The following ANKS1A variants were observed in gnomAD, a reference collection of about 807,000 sequenced individuals.
ANKS1A encodes ankyrin repeat and sterile alpha motif domain containing 1A.
ANKS1A carries 55 observed loss-of-function variants against 120.3 expected under a neutral mutation model. That is an observed-to-expected ratio of 0.46 (90% CI 0.37 to 0.57). The LOEUF (loss-of-function observed/expected upper bound fraction) is 0.57. Among genes scored for constraint, ANKS1A ranks in the 20% least tolerant of loss-of-function variants. The pLI is 0.00. For missense variants in ANKS1A, 1,123 were observed against 1,480.3 expected, an observed-to-expected ratio of 0.76 and a Z score of 3.96; for synonymous variants, 590 against 604.7, an observed-to-expected ratio of 0.98 and a Z score of 0.36.
chr6:35,094,934 G>A (rs1265331458), downstream of ANKS1A, among the ~76,000 whole-genome samples: 1 of 152,056 alleles, frequency 6.6e-6, no homozygotes, highest in Non-Finnish European at 1.5e-5. Flanking sequence ...GAGTCCAGGA[G>A]CTCAAGACCA....
intron 3 of ANKS1A, among the ~76,000 whole-genome samples, chr6:34,977,249 G>T (rs538774682): frequency 2.0e-5 from 3 of 152,124 alleles, no homozygotes; most frequent in African/African-American, 7.2e-5. Context: ...TGGCAGGAGC[G>T]CCATGGAAGT....
In ANKS1A at chr6:35,082,206, C is replaced by T. The variant is rs947460547; in HGVS notation, c.2710-485C>T. Among the ~76,000 whole-genome samples, 1 of 151,968 alleles carries T rather than the reference C, an allele frequency of 6.6e-6. No homozygotes were observed. Among genetic ancestry groups the T allele is most frequent in the African/African-American group, 2.4e-5 (1 of 41,374 alleles). ...GCCTCCCCCACCCCCTAGCTGCTGC[C>T]AGAAGGATCCATTTGGAATGCATTC... On this transcript the variant is annotated intron_variant, in intron 17 of 23. Transcript: ENST00000360359. This position sits in a 1 kb window ranked among gnomAD's most constrained non-coding sequence, Gnocchi z 4.1.
Position 35,081,020 on chromosome 6 carries a change from A to G in ANKS1A, c.2571A>G (p.Ser857=). ...GCCAAGATTTGCTCTCCCAGACGTCATCCCCACTGAGTCAGAATGATTCCT... is the reference window on the plus strand; with the variant it reads ...GCCAAGATTTGCTCTCCCAGACGTCGTCCCCACTGAGTCAGAATGATTCCT... ...LRCQDLLSQT[S]SPLSQNDSCT... The change falls in exon 17 of 24, where the codon TCA becomes TCG. Residue 857 remains serine, a synonymous_variant. Coordinates refer to ENST00000360359, the MANE Select transcript of ANKS1A (RefSeq NM_015245.3). The G allele has an allele frequency of 6.2e-7, 1 of 1,613,916 alleles. No homozygotes were observed. The highest frequency in any genetic ancestry group is 8.5e-7 in the Non-Finnish European group (1 of 1,179,852).
At position 35,082,393 on chromosome 6, in the gene ANKS1A, A is replaced by C. The variant is rs537821601; in HGVS notation, c.2710-298A>C. ...CTGTGCCCCCCACACAGACTCTGCC[A>C]TCTCCTCTCTGGTCATTTCCCATCT... On this transcript the variant is annotated intron_variant, in intron 17 of 23. Coordinates refer to ENST00000360359, the MANE Select transcript of ANKS1A (RefSeq NM_015245.3). This position sits in a 1 kb window ranked among gnomAD's most constrained non-coding sequence, Gnocchi z 4.1. 6.6e-6 allele frequency among the ~76,000 whole-genome samples: 1 copy of C among 151,230 alleles called. No homozygotes were observed. Among genetic ancestry groups the C allele is most frequent in the East Asian group, 2.0e-4 (1 of 5,100 alleles).
chr6:34,917,429 A>T (rs1210364005), intron 1 of ANKS1A, among the ~76,000 whole-genome samples: 3 of 152,184 alleles, frequency 2.0e-5, no homozygotes, highest in Non-Finnish European at 4.4e-5. Context: ...AAGTCAAACC[A>T]AGCTCCGCTG....
At chr6:35,080,080 A>G in intron 16 of ANKS1A, 152 bp downstream of exon 16, 2 of 868,116 alleles carry the variant, frequency 2.3e-6, no homozygotes, top group Non-Finnish European at 3.5e-6. Context: ...AGGTTTAGAG[A>G]AGTTCCCCGC....
chr6:34,916,967 GGTC>G (rs997384185), intron 1 of ANKS1A, among the ~76,000 whole-genome samples: 3 of 152,134 alleles, frequency 2.0e-5, no homozygotes, highest in Non-Finnish European at 4.4e-5. Context: ...TCTACCCTAT[GGTC>G]GTCCTACCTT....
In ANKS1A at chr6:34,967,219, C is replaced by T. The variant is rs1770936527; in HGVS notation, c.198-20C>T. The T allele has an allele frequency of 4.3e-6, 6 of 1,408,046 alleles. No homozygotes were observed. The highest frequency in any genetic ancestry group is 1.4e-5 in the African/African-American group (1 of 69,364). The allele number at this position is 1,408,046 out of a possible 1,614,324, so 87.2% of individuals were successfully genotyped here. A position where few individuals can be genotyped will look rare whatever the true frequency, so the allele number is the denominator to read the frequency against. Reference sequence around the variant, plus strand: ...CGGTCTGTGAAATCTATGTCTCTCTCTTTTTTTTTTCCCTGATAGCATGTG... The same window carrying T: ...CGGTCTGTGAAATCTATGTCTCTCTTTTTTTTTTTTCCCTGATAGCATGTG... On this transcript the variant is annotated intron_variant, in intron 1 of 23. Coordinates refer to ENST00000360359, the MANE Select transcript of ANKS1A (RefSeq NM_015245.3).
At chr6:34,962,714 G>A (rs1045577472) in intron 1 of ANKS1A, among the ~76,000 whole-genome samples, 10 of 150,998 alleles carry the variant, frequency 6.6e-5, no homozygotes, top group African/African-American at 1.7e-4. Flanking sequence ...GCTTGAACCC[G>A]GGAGGCAGAG....
chr6:35,096,038 G>A (rs920373829), downstream of ANKS1A, among the ~76,000 whole-genome samples: 14 of 152,146 alleles, frequency 9.2e-5, no homozygotes, highest in African/African-American at 3.1e-4. Context: ...CACTCCATTT[G>A]TTATTGAGAT....
downstream of ANKS1A, among the ~76,000 whole-genome samples, chr6:35,093,651 T>C (rs555834325): frequency 7.2e-5 from 11 of 152,242 alleles, no homozygotes; most frequent in South Asian, 1.7e-3. Context: ...GGAAGATCAG[T>C]AGATGCTCTT....
chr6:34,941,564 G>A (rs2127483722), intron 1 of ANKS1A, among the ~76,000 whole-genome samples: 1 of 152,164 alleles, frequency 6.6e-6, no homozygotes, highest in South Asian at 2.1e-4. Flanking sequence ...CACTGTGCCC[G>A]CCCAAACTGA....
chr6:35,090,681 GTTA>G lies in ANKS1A; in HGVS notation c.*2077_*2079del, dbSNP rs1259159548. ...TGGGTAGTCTCCCTTTCCTAGAAAG[GTTA>G]TTATAACTTTAAGGACAGGCTTCAA... On this transcript the variant is annotated 3_prime_UTR_variant, in exon 24 of 24. Transcript: ENST00000360359. 1 of 988,314 alleles carries G rather than the reference GTTA, an allele frequency of 1.0e-6. No homozygotes were observed. The highest frequency in any genetic ancestry group is 1.7e-5 in the African/African-American group (1 of 57,212). 61.2% of individuals were successfully genotyped at this position (988,314 alleles called of 1,614,324 possible).
intron 11 of ANKS1A, among the ~76,000 whole-genome samples, chr6:35,021,284 C>T (rs1282357182): frequency 6.6e-6 from 1 of 152,182 alleles, no homozygotes; most frequent in Non-Finnish European, 1.5e-5. Flanking sequence ...GCTCTGAAGG[C>T]TCTGAAGGTG....
chr6:35,048,204 C>T (rs1775808314), intron 11 of ANKS1A, among the ~76,000 whole-genome samples: 1 of 152,168 alleles, frequency 6.6e-6, no homozygotes, highest in Non-Finnish European at 1.5e-5. Flanking sequence ...TGAAACAAAA[C>T]AGCTCTGTTG....
At chr6:35,012,784 C>T (rs567123192) in intron 10 of ANKS1A, among the ~76,000 whole-genome samples, 6 of 152,268 alleles carry the variant, frequency 3.9e-5, no homozygotes, top group African/African-American at 1.2e-4. Context: ...AATTAGCATG[C>T]TGGTGTGCCA....
At chr6:34,928,380 G>A (rs1033206745) in intron 1 of ANKS1A, among the ~76,000 whole-genome samples, 10 of 152,126 alleles carry the variant, frequency 6.6e-5, no homozygotes, top group African/African-American at 1.4e-4. Context: ...ACTCTGTCAC[G>A]GAAGGCTGTA....
intron 10 of ANKS1A, among the ~76,000 whole-genome samples, chr6:35,004,429 C>G (rs1485625370): frequency 6.6e-6 from 1 of 151,828 alleles, no homozygotes; most frequent in African/African-American, 2.4e-5. Flanking sequence ...TGGAGACCAG[C>G]CAGAACAACA....
In ANKS1A at chr6:35,085,579, G is replaced by A. The variant is rs1263041961; in HGVS notation, c.3133-187G>A. Among the ~76,000 whole-genome samples, 1 of 151,176 alleles carries A rather than the reference G, an allele frequency of 6.6e-6. No individual in the cohort carries two copies. The highest frequency in any genetic ancestry group is 1.5e-5 in the Non-Finnish European group (1 of 67,706). On this transcript the variant is annotated intron_variant, in intron 21 of 23. Coordinates refer to ENST00000360359, the MANE Select transcript of ANKS1A (RefSeq NM_015245.3). This position sits in a 1 kb window ranked among gnomAD's most constrained non-coding sequence, Gnocchi z 4.7. ...GCAGCCCAGCTCCCGGCCACATCCT[G>A]TGTAGAGCGGGAAGAACAACAGAGA...
Sources: gnomAD v4.1 joint callset for allele counts (sites outside exome capture counted in the v4.1 genomes callset) on GRCh38, gnomAD v4.1.1 for gene constraint, Gnocchi (gnomAD v3.1) non-coding constraint, MANE v1.5 for transcripts, NCBI Gene and HGNC (gene_info 2026-07-23, HGNC 2026-07-21) for gene names.